The following SLIT3 variants were observed in gnomAD, a reference collection of about 807,000 sequenced individuals.
The protein encoded by SLIT3 is slit homolog 3 protein.
A neutral mutation model predicts 184.0 loss-of-function variants in SLIT3; 68 were observed. That is an observed-to-expected ratio of 0.37 (90% confidence interval 0.30 to 0.45). SLIT3 has a LOEUF of 0.45. SLIT3 is among the 20% of genes least tolerant of loss of function. SLIT3 has a pLI of 1.00. For missense variants in SLIT3, 1,707 were observed against 2,026.0 expected, an observed-to-expected ratio of 0.84 and a Z score of 3.02; for synonymous variants, 831 against 828.6, an observed-to-expected ratio of 1.00 and a Z score of -0.05.
chr5:169,066,942 G>GAAAAAAAAAAAAAA (rs60977256), intron 4 of SLIT3, among the ~76,000 whole-genome samples: 3 of 80,442 alleles, frequency 3.7e-5, no homozygotes, highest in African/African-American at 8.6e-5. Context: ...TCCCTTTCCT[G>GAAAAAAAAAAAAAA]AAAAAAAAAA....
intron 3 of SLIT3, among the ~76,000 whole-genome samples, chr5:169,200,065 TTCAGAAACTTC>T (rs1239693269): frequency 1.3e-5 from 2 of 152,200 alleles, no homozygotes; most frequent in Non-Finnish European, 2.9e-5. Context: ...GTCTTCATCA[TTCAGAAACTTC>T]TTAGAGACTC....
chr5:168,863,943 G>A (rs1288546415), intron 5 of SLIT3, among the ~76,000 whole-genome samples: 7 of 151,898 alleles, frequency 4.6e-5, no homozygotes, highest in African/African-American at 1.7e-4. Flanking sequence ...TGTGGGCCAG[G>A]TGCGGTAGCT....
intron 1 of SLIT3, among the ~76,000 whole-genome samples, chr5:169,252,575 T>C (rs2113596758): frequency 6.6e-6 from 1 of 152,350 alleles, no homozygotes; most frequent in East Asian, 1.9e-4. Context: ...CAGTTCTCAA[T>C]AATGGATGCT....
At chr5:168,813,285 C>T (rs537624403) in intron 8 of SLIT3, among the ~76,000 whole-genome samples, 62 of 149,426 alleles carry the variant, frequency 4.1e-4, no homozygotes, top group Middle Eastern at 6.8e-3. Context: ...AAAATTTAAA[C>T]CCCCAAATAA....
chr5:169,045,921 T>C (rs1274190978), intron 4 of SLIT3, among the ~76,000 whole-genome samples: 1 of 152,236 alleles, frequency 6.6e-6, no homozygotes, highest in Non-Finnish European at 1.5e-5. Context: ...TAACTGACTG[T>C]GTTTTGTGCA....
intron 32 of SLIT3, among the ~76,000 whole-genome samples, chr5:168,683,448 C>G (rs1436595298): frequency 2.0e-5 from 3 of 151,758 alleles, no homozygotes; most frequent in Non-Finnish European, 4.4e-5. Context: ...GTCCAGCTGC[C>G]ACACCCATCA....
At chr5:168,802,814 G>A (rs936456385) in intron 9 of SLIT3, among the ~76,000 whole-genome samples, 7 of 152,120 alleles carry the variant, frequency 4.6e-5, no homozygotes, top group African/African-American at 1.7e-4. Context: ...TATATCCTAC[G>A]GACCAGACAC....
intron 4 of SLIT3, among the ~76,000 whole-genome samples, chr5:169,111,243 G>C (rs958894168): frequency 6.6e-6 from 1 of 152,176 alleles, no homozygotes; most frequent in African/African-American, 2.4e-5. Context: ...CCAGCCTCCA[G>C]AACTGTGAGA....
intron 1 of SLIT3, among the ~76,000 whole-genome samples, chr5:169,271,644 G>A (rs192121699): frequency 2.0e-5 from 3 of 152,206 alleles, no homozygotes; most frequent in Admixed American, 6.5e-5. Flanking sequence ...AAACAACTGC[G>A]GGAGTATCCT....
chr5:168,972,331 G>GA, intron 4 of SLIT3, among the ~76,000 whole-genome samples: 1 of 146,454 alleles, frequency 6.8e-6, no homozygotes, highest in African/African-American at 2.5e-5. Context: ...CTAGCTGCAG[G>GA]ACAACATGTG....
chr5:168,729,685 A>C (rs1350226932), intron 20 of SLIT3, among the ~76,000 whole-genome samples: 1 of 152,146 alleles, frequency 6.6e-6, no homozygotes, highest in Admixed American at 6.5e-5. Flanking sequence ...CACTATCACA[A>C]AAAATCATGA....
chr5:169,149,929 C>T (rs1762057290), intron 4 of SLIT3, among the ~76,000 whole-genome samples: 1 of 152,140 alleles, frequency 6.6e-6, no homozygotes, highest in African/African-American at 2.4e-5. Flanking sequence ...ACTATCACTG[C>T]GTATCTCCTT....
intron 1 of SLIT3, among the ~76,000 whole-genome samples, chr5:169,256,913 A>C (rs762343743): frequency 6.6e-6 from 1 of 152,102 alleles, no homozygotes; most frequent in Non-Finnish European, 1.5e-5. Context: ...TACCATGGGA[A>C]TCACCTATGA....
chr5:168,769,898 A>G (rs1272255973), intron 14 of SLIT3, among the ~76,000 whole-genome samples: 16 of 152,198 alleles, frequency 1.1e-4, no homozygotes, highest in Non-Finnish European at 2.4e-4. Flanking sequence ...GTGGACCTCA[A>G]TTTATCCATC....
intron 4 of SLIT3, among the ~76,000 whole-genome samples, chr5:168,890,137 TAAAAAAAAAAAAA>T (rs56267999): frequency 2.0e-5 from 2 of 98,682 alleles, no homozygotes; most frequent in South Asian, 3.9e-4. Flanking sequence ...AGACTCCATC[TAAAAAAAAAAAAA>T]AAAAAAAAAG....
chr5:169,211,362 C>T (rs900796359), intron 3 of SLIT3, among the ~76,000 whole-genome samples: 1 of 152,128 alleles, frequency 6.6e-6, no homozygotes, highest in Non-Finnish European at 1.5e-5. Flanking sequence ...CGTTTTAAAA[C>T]CCATGTTAAT....
intron 4 of SLIT3, among the ~76,000 whole-genome samples, chr5:169,100,922 C>T (rs971062121): frequency 5.3e-5 from 8 of 152,236 alleles, no homozygotes. Context: ...GTTGCTGCCT[C>T]TCAAAGTGTC....
chr5:169,012,931 G>A (rs1337262190), intron 4 of SLIT3: 3 of 152,226 alleles, frequency 2.0e-5, no homozygotes, highest in Non-Finnish European at 2.9e-5. Flanking sequence ...TCTATCAAAT[G>A]AGAATAGCGC....
intron 14 of SLIT3, among the ~76,000 whole-genome samples, chr5:168,765,074 C>G (rs1755293930): frequency 6.6e-6 from 1 of 152,196 alleles, no homozygotes; most frequent in Non-Finnish European, 1.5e-5. Context: ...GGGATCCTTG[C>G]AAAGCGAAGG....
Sources: allele counts gnomAD v4.1 joint callset (sites outside exome capture counted in the v4.1 genomes callset), GRCh38; gene constraint gnomAD v4.1.1; transcripts MANE v1.5; gene names NCBI Gene and HGNC (gene_info 2026-07-23, HGNC 2026-07-21).